The following LRRC4C variants were observed in gnomAD, a reference collection of about 807,000 sequenced individuals.
The protein encoded by LRRC4C is leucine rich repeat containing 4C, also known as leucine-rich repeat-containing protein 4C.
LRRC4C carries 5 observed loss-of-function variants against 33.6 expected under a neutral mutation model. That is an observed-to-expected ratio of 0.15 (90% confidence interval 0.08 to 0.31). LRRC4C has a LOEUF of 0.31. LRRC4C is among the 10% of genes least tolerant of loss of function. The pLI is 1.00. For missense variants in LRRC4C, 560 were observed against 796.7 expected (o/e 0.70, Z 3.58); for synonymous variants, 329 against 302.0 (o/e 1.09, Z -0.93).
chr11:40,572,499 T>G (rs1399853746), intron 3 of LRRC4C, among the ~76,000 whole-genome samples: 1 of 151,694 alleles, frequency 6.6e-6, no homozygotes, highest in Non-Finnish European at 1.5e-5. Flanking sequence ...GGCAGTGGAG[T>G]TTAGTTATAG....
At chr11:41,359,283 T>C (rs1952265998) in intron 1 of LRRC4C, among the ~76,000 whole-genome samples, 1 of 152,214 alleles carries the variant, frequency 6.6e-6, no homozygotes, top group Admixed American at 6.5e-5. Context: ...TGTCATTATA[T>C]ATTTGCCCAA....
At chr11:41,079,619 C>A (rs1954837503) in intron 1 of LRRC4C, among the ~76,000 whole-genome samples, 1 of 152,118 alleles carries the variant, frequency 6.6e-6, no homozygotes, top group South Asian at 2.1e-4. Flanking sequence ...ACTCAAAAAA[C>A]ATCACTGGAA....
At chr11:40,325,035 G>A (rs1196632457) in intron 3 of LRRC4C, among the ~76,000 whole-genome samples, 1 of 152,132 alleles carries the variant, frequency 6.6e-6, no homozygotes, top group South Asian at 2.1e-4. Context: ...TAGTATAGTT[G>A]TAGTTACCAT....
At chr11:41,048,751 C>T (rs1199069203) in intron 1 of LRRC4C, among the ~76,000 whole-genome samples, 1 of 152,084 alleles carries the variant, frequency 6.6e-6, no homozygotes, top group African/African-American at 2.4e-5. Flanking sequence ...TATTTTATTC[C>T]TTCATTCTCC....
chr11:40,176,638 T>C (rs1860518472), intron 5 of LRRC4C, among the ~76,000 whole-genome samples: 1 of 151,626 alleles, frequency 6.6e-6, no homozygotes, highest in African/African-American at 2.4e-5. Flanking sequence ...AGTCCTTGCC[T>C]CAAGCAATCC....
intron 1 of LRRC4C, among the ~76,000 whole-genome samples, chr11:41,150,212 A>C (rs1943928111): frequency 6.6e-6 from 1 of 152,156 alleles, no homozygotes; most frequent in African/African-American, 2.4e-5. Context: ...CTTCCATTCT[A>C]TTCCATTTAG....
chr11:41,345,723 T>C (rs1258060390), intron 1 of LRRC4C, among the ~76,000 whole-genome samples: 4 of 152,132 alleles, frequency 2.6e-5, no homozygotes, highest in African/African-American at 9.7e-5. Context: ...ATCCAGCCCC[T>C]ACAGATTTCT....
rs141616219 is a variant in LRRC4C, at chr11:40,938,726, C to A, written c.-495-5003G>T. Among the ~76,000 whole-genome samples, 372 of 152,278 alleles carry A rather than the reference C, an allele frequency of 2.4e-3. 1 individual carries two copies. Among genetic ancestry groups the A allele is most frequent in the Admixed American group, 3.7e-3 (56 of 15,278 alleles). On this transcript the variant is annotated intron_variant, in intron 1 of 6. Transcript: ENST00000528697. ...AACTTTGATCTGACACTCTACCATTCTTCTCAGAACATAGCTCAAGTTCCC... is the reference window on the plus strand; with the variant it reads ...AACTTTGATCTGACACTCTACCATTATTCTCAGAACATAGCTCAAGTTCCC...
At chr11:40,378,831 G>A (rs981063487) in intron 3 of LRRC4C, among the ~76,000 whole-genome samples, 3 of 152,084 alleles carry the variant, frequency 2.0e-5, no homozygotes, top group African/African-American at 7.2e-5. Flanking sequence ...TTAGTTTAGT[G>A]GAATTCAAGA....
intron 4 of LRRC4C, among the ~76,000 whole-genome samples, chr11:40,309,156 T>C (rs1264911877): frequency 1.3e-5 from 2 of 152,226 alleles, no homozygotes; most frequent in African/African-American, 4.8e-5. Context: ...AGAAACTTGG[T>C]ACTATTAGCA....
chr11:40,342,615 AT>A (rs1404838938), intron 3 of LRRC4C, among the ~76,000 whole-genome samples: 2 of 152,198 alleles, frequency 1.3e-5, no homozygotes, highest in African/African-American at 4.8e-5. Flanking sequence ...ACACATAAAA[AT>A]TATACAACAT....
intron 4 of LRRC4C, among the ~76,000 whole-genome samples, chr11:40,281,065 G>C (rs748730633): frequency 5.9e-5 from 9 of 152,208 alleles, no homozygotes; most frequent in African/African-American, 9.7e-5. Context: ...TGGATGCAGA[G>C]AGGGTGAGAA....
intron 1 of LRRC4C, among the ~76,000 whole-genome samples, chr11:40,962,339 C>T (rs939271510): frequency 6.6e-6 from 1 of 151,602 alleles, no homozygotes; most frequent in African/African-American, 2.4e-5. Flanking sequence ...ATCTTGGTTT[C>T]AGACTTCCGA....
At chr11:40,795,936 GAACT>G (rs1950805904) in intron 2 of LRRC4C, among the ~76,000 whole-genome samples, 1 of 152,092 alleles carries the variant, frequency 6.6e-6, no homozygotes, top group African/African-American at 2.4e-5. Flanking sequence ...CTGCCAAAGA[GAACT>G]AATAATTGAG....
intron 3 of LRRC4C, among the ~76,000 whole-genome samples, chr11:40,416,660 A>G (rs1402861293): frequency 6.6e-6 from 1 of 152,210 alleles, no homozygotes; most frequent in Non-Finnish European, 1.5e-5. Context: ...TGACTTGCTG[A>G]CATTACCTTT....
chr11:40,281,588 C>A (rs887408366), intron 4 of LRRC4C, among the ~76,000 whole-genome samples: 16 of 152,220 alleles, frequency 1.1e-4, no homozygotes, highest in Non-Finnish European at 1.5e-4. Context: ...ACATTCATAT[C>A]TTAGTTATTG....
intron 1 of LRRC4C, among the ~76,000 whole-genome samples, chr11:41,116,212 C>G (rs1386005521): frequency 1.3e-5 from 2 of 152,090 alleles, no homozygotes; most frequent in Non-Finnish European, 2.9e-5. Flanking sequence ...GAAACATAAT[C>G]CAAGTCCCAG....
chr11:41,221,871 G>A (rs926144856), intron 1 of LRRC4C, among the ~76,000 whole-genome samples: 1 of 152,112 alleles, frequency 6.6e-6, no homozygotes, highest in Non-Finnish European at 1.5e-5. Context: ...CCACACAGAG[G>A]ACAGAATGCA....
intron 2 of LRRC4C, among the ~76,000 whole-genome samples, chr11:40,854,154 A>AT (rs1337097621): frequency 2.0e-5 from 3 of 151,892 alleles, no homozygotes; most frequent in Admixed American, 6.6e-5. Flanking sequence ...TCACATCTCT[A>AT]TTTTTTTTCT....
Sources: allele counts gnomAD v4.1 joint callset (sites outside exome capture counted in the v4.1 genomes callset), GRCh38; gene constraint gnomAD v4.1.1; transcripts MANE v1.5; gene names NCBI Gene and HGNC (gene_info 2026-07-23, HGNC 2026-07-21).